The following MTHFD1L variants were observed in gnomAD, a reference collection of about 807,000 sequenced individuals.
MTHFD1L encodes monofunctional C1-tetrahydrofolate synthase, mitochondrial.
Under a neutral mutation model 119.5 loss-of-function variants are expected in MTHFD1L, and 81 were observed. The ratio of observed to expected loss-of-function variants is 0.68; its 90% CI spans 0.57 to 0.82. The LOEUF (loss-of-function observed/expected upper bound fraction) is 0.82, where lower values mean the gene tolerates loss of function less well. Ranked by LOEUF, MTHFD1L falls within the 40% of genes least tolerant of loss-of-function variation. MTHFD1L has a pLI of 0.00. For missense variants in MTHFD1L, 1,125 were observed against 1,253.4 expected, an observed-to-expected ratio of 0.90 and a Z score of 1.55; for synonymous variants, 430 against 475.2, an observed-to-expected ratio of 0.90 and a Z score of 1.24.
intron 11 of MTHFD1L, among the ~76,000 whole-genome samples, chr6:150,927,648 G>T (rs912549945): frequency 6.6e-6 from 1 of 151,898 alleles, no homozygotes; most frequent in Non-Finnish European, 1.5e-5. Context: ...GTCGAGATGG[G>T]GTTTCACCAT....
rs1562383968 is a variant in MTHFD1L, at chr6:150,922,215, G to A, written c.995G>A (p.Ser332Asn). The A allele has an allele frequency of 3.1e-6, 5 of 1,613,780 alleles. No individual in the cohort carries two copies. The highest frequency in any genetic ancestry group is 4.2e-6 in the Non-Finnish European group (5 of 1,179,790). The change falls in exon 10 of 28, where the codon AGT becomes AAT. Residue 332 changes from serine to asparagine, a missense_variant. By Grantham distance (46) the Ser-to-Asn change is conservative. This residue lies in a region of MTHFD1L where 1,058 missense variants were observed against 1,151.2 expected (regional missense o/e 0.92). Coordinates refer to ENST00000367321, the MANE Select transcript of MTHFD1L (RefSeq NM_015440.5). ...AAALRIQNMV[S>N]SGRRWLREQQ... ...CTATCCCTGCTGAAGAACATGGTCA[G>A]TAGTGGAAGGAGATGGCTTCGTGAA...
In MTHFD1L at chr6:150,991,555, GTA is replaced by G. The variant is rs547396720; in HGVS notation, c.2126-18263_2126-18262del. 4.6e-5 allele frequency among the ~76,000 whole-genome samples: 7 copies of G among 152,226 alleles called. No homozygotes were observed. In the East Asian group the frequency reaches 1.4e-3, roughly 29 times the overall value. The stretch of plus-strand genomic sequence containing the variant: ...TTTACAATTACTGTGTATTACTTTT[GTA>G]GTAGTTTTTTTTATAAAAGGAAAAA... On this transcript the variant is annotated intron_variant, in intron 20 of 27. Transcript: ENST00000367321.
intron 11 of MTHFD1L, among the ~76,000 whole-genome samples, chr6:150,932,450 C>G (rs950839853): frequency 2.0e-5 from 3 of 152,052 alleles, no homozygotes; most frequent in Non-Finnish European, 4.4e-5. Flanking sequence ...ACAGTTCCAT[C>G]TCTATGAACT....
chr6:150,927,784 G>A (rs948824796), intron 11 of MTHFD1L, among the ~76,000 whole-genome samples: 5 of 152,056 alleles, frequency 3.3e-5, no homozygotes, highest in Non-Finnish European at 5.9e-5. Flanking sequence ...ACATGTTGGG[G>A]AAGCAGGGGC....
intron 20 of MTHFD1L, among the ~76,000 whole-genome samples, chr6:150,992,614 A>G (rs888274741): frequency 6.6e-6 from 1 of 152,218 alleles, no homozygotes; most frequent in Non-Finnish European, 1.5e-5. Flanking sequence ...CAGAGCCAAG[A>G]TTGGCAGTTG....
At chr6:151,030,128 G>A (rs1000146840) in intron 24 of MTHFD1L, among the ~76,000 whole-genome samples, 11 of 152,188 alleles carry the variant, frequency 7.2e-5, no homozygotes, top group African/African-American at 2.2e-4. Context: ...GACTCAACGT[G>A]TGCAGTACAG....
chr6:150,934,889 G>T (rs567077189), intron 11 of MTHFD1L: 94 of 1,498,508 alleles, frequency 6.3e-5, no homozygotes, highest in Non-Finnish European at 7.9e-5. Flanking sequence ...CAGTCTTATA[G>T]CTGGATCAGC....
chr6:150,882,681 C>T, intron 4 of MTHFD1L, 81 bp from the exon 5 acceptor site: 1 of 1,046,230 alleles, frequency 9.6e-7, no homozygotes, highest in Admixed American at 3.9e-5. Context: ...TTCATGAATC[C>T]ACTTTTTATA....
At chr6:150,959,302 C>T in intron 17 of MTHFD1L, 2 of 652,188 alleles carry the variant, frequency 3.1e-6, no homozygotes, top group Non-Finnish European at 3.8e-6. Context: ...AGGGCACAGC[C>T]ATTCTCTCTC....
At chr6:150,931,745 G>C (rs977385290) in intron 11 of MTHFD1L, among the ~76,000 whole-genome samples, 1 of 152,162 alleles carries the variant, frequency 6.6e-6, no homozygotes, top group African/African-American at 2.4e-5. Flanking sequence ...ACTTCTCTCT[G>C]GATAAGCCAT....
At chr6:150,910,129 C>T (rs746545996) in intron 8 of MTHFD1L, among the ~76,000 whole-genome samples, 12 of 149,722 alleles carry the variant, frequency 8.0e-5, no homozygotes, top group African/African-American at 1.5e-4. Context: ...TGCAGTGAGC[C>T]GAGATCACGC....
At chr6:150,928,557 CT>C (rs545794923) in intron 11 of MTHFD1L, among the ~76,000 whole-genome samples, 110 of 138,228 alleles carry the variant, frequency 8.0e-4, no homozygotes, top group African/African-American at 1.0e-3. Context: ...TGTAGCTTTT[CT>C]TTTTTTTTTT....
At chr6:150,971,285 C>T (rs959390994) in intron 19 of MTHFD1L, among the ~76,000 whole-genome samples, 1 of 152,200 alleles carries the variant, frequency 6.6e-6, no homozygotes. Context: ...CAACCTCCAC[C>T]TCCCAGGTTC....
chr6:151,057,092 A>T, intron 26 of MTHFD1L: 1 of 621,734 alleles, frequency 1.6e-6, no homozygotes, highest in Non-Finnish European at 2.0e-6. Flanking sequence ...TGTTTGCTCT[A>T]ATTATAACTA....
At chr6:151,017,021 C>T (rs1223602837) in intron 24 of MTHFD1L, among the ~76,000 whole-genome samples, 3 of 151,124 alleles carry the variant, frequency 2.0e-5, no homozygotes, top group African/African-American at 4.9e-5. Flanking sequence ...GCAGTCCACC[C>T]GCCTCGGCCT....
At chr6:151,036,887 A>G in intron 25 of MTHFD1L, 78 bp from the exon 26 acceptor site, 1 of 1,501,516 alleles carries the variant, frequency 6.7e-7, no homozygotes, top group Non-Finnish European at 9.3e-7. Context: ...TGCTGCCGAG[A>G]CTGTATAAAG....
intron 7 of MTHFD1L, among the ~76,000 whole-genome samples, chr6:150,891,163 T>G (rs1783200030): frequency 6.6e-6 from 1 of 152,064 alleles, no homozygotes; most frequent in Non-Finnish European, 1.5e-5. Context: ...TTTTTGTATT[T>G]TTAGTAGAGA....
At position 150,955,957 on chromosome 6, in the gene MTHFD1L, A is replaced by G. The variant is rs375476729; in HGVS notation, c.1727-38A>G. 3.1e-5 allele frequency: 48 copies of G among 1,559,666 alleles called. 1 individual carries two copies. The highest frequency in any genetic ancestry group is 4.1e-5 in the African/African-American group (3 of 73,802). ...CAGACACACACCAGGTGGCTGGTCCATATTTGTCGACTGAATGACTAATCT... is the reference window on the plus strand; with the variant it reads ...CAGACACACACCAGGTGGCTGGTCCGTATTTGTCGACTGAATGACTAATCT... On this transcript the variant is annotated intron_variant, in intron 16 of 27. Coordinates refer to ENST00000367321, the MANE Select transcript of MTHFD1L (RefSeq NM_015440.5).
At chr6:151,044,131 C>T (rs773139931) in intron 26 of MTHFD1L, among the ~76,000 whole-genome samples, 4 of 152,012 alleles carry the variant, frequency 2.6e-5, no homozygotes, top group South Asian at 2.1e-4. Context: ...TTCTCCCAAT[C>T]GGAGGAAAGG....
Sources: gnomAD v4.1 joint callset for allele counts (sites outside exome capture counted in the v4.1 genomes callset) on GRCh38, gnomAD v4.1.1 for gene constraint, gnomAD v4.1.1 regional missense constraint, MANE v1.5 for transcripts, NCBI Gene and HGNC (gene_info 2026-07-23, HGNC 2026-07-21) for gene names.